The following SHISAL1 variants were observed in gnomAD, a reference collection of about 807,000 sequenced individuals.
SHISAL1 encodes protein shisa-like-1.
In SHISAL1, 9 loss-of-function variants were observed where a neutral mutation model predicts 22.6. That is an observed-to-expected ratio of 0.40 (90% CI 0.24 to 0.70). The LOEUF is 0.70. Ranked by LOEUF, SHISAL1 falls within the 30% of genes least tolerant of loss-of-function variation. The probability of loss-of-function intolerance (pLI) is 0.39; values close to 1 mark genes in which losing one functional copy is unlikely to be tolerated. For missense variants in SHISAL1, 246 were observed against 270.6 expected (o/e 0.91, Z 0.64); for synonymous variants, 119 against 115.4 (o/e 1.03, Z -0.20).
chr22:44,328,181 C>T, the SHISAL1 span, among the ~76,000 whole-genome samples: 3 of 152,112 alleles, frequency 2.0e-5, no homozygotes, highest in Admixed American at 6.5e-5. Context: ...AGTGAGACTG[C>T]GGGGCCCCTG....
chr22:44,263,079 C>CTTTTTTTT (rs922017518), intron 4 of SHISAL1, among the ~76,000 whole-genome samples: 1 of 88,250 alleles, frequency 1.1e-5, no homozygotes, highest in Non-Finnish European at 2.2e-5. Context: ...TTCTTTCTTT[C>CTTTTTTTT]TTTTTTTTTT....
At chr22:44,253,992 T>C (rs2055067805) in intron 4 of SHISAL1, among the ~76,000 whole-genome samples, 1 of 151,676 alleles carries the variant, frequency 6.6e-6, no homozygotes, top group African/African-American at 2.4e-5. Context: ...TACTAGAATT[T>C]GAAAATACTA....
chr22:44,305,429 G>A (rs1222943383), intron 1 of SHISAL1, among the ~76,000 whole-genome samples: 2 of 152,228 alleles, frequency 1.3e-5, no homozygotes, highest in African/African-American at 4.8e-5. Context: ...ATCTGCCTTC[G>A]CAGACCCAGG....
chr22:44,304,898 G>C (rs1269858643), intron 1 of SHISAL1, among the ~76,000 whole-genome samples: 2 of 152,178 alleles, frequency 1.3e-5, no homozygotes, highest in African/African-American at 4.8e-5. Flanking sequence ...CTGGGGCTCA[G>C]GTCCAAGAGC....
At chr22:44,297,371 G>T (rs2055394465) in intron 2 of SHISAL1, among the ~76,000 whole-genome samples, 1 of 152,248 alleles carries the variant, frequency 6.6e-6, no homozygotes, top group African/African-American at 2.4e-5. Context: ...CTCCAGTCTT[G>T]TATCACTAGC....
chr22:44,316,325 C>A (rs906360276), upstream of SHISAL1, among the ~76,000 whole-genome samples: 5 of 149,170 alleles, frequency 3.4e-5, no homozygotes, highest in African/African-American at 1.2e-4. Context: ...GGAATGGTAC[C>A]CAGGGTAGGC....
At chr22:44,280,843 T>C (rs2055271497) in intron 4 of SHISAL1, among the ~76,000 whole-genome samples, 1 of 152,104 alleles carries the variant, frequency 6.6e-6, no homozygotes, top group African/African-American at 2.4e-5. Context: ...AGGCAGGTTG[T>C]GCGGCACTGG....
intron 1 of SHISAL1, among the ~76,000 whole-genome samples, chr22:44,308,836 G>A (rs1004709320): frequency 2.2e-4 from 34 of 152,228 alleles, no homozygotes; most frequent in Admixed American, 1.7e-3. Flanking sequence ...CCACGCTCGG[G>A]CCTGAACCCC....
chr22:44,310,369 G>A lies in SHISAL1; in HGVS notation c.-33+2382C>T, dbSNP rs2055510003. On this transcript the variant is annotated intron_variant, in intron 1 of 4. Transcript: ENST00000381176. This position sits in a 1 kb window ranked among gnomAD's most constrained non-coding sequence, Gnocchi z 4.0. ...GATTGCCCAGAGCTGGAGGGTGGAA[G>A]GTTTGCAATCTGAACCCAGGTTTGC... 1.3e-5 allele frequency among the ~76,000 whole-genome samples: 2 copies of A among 152,222 alleles called. 1 individual carries two copies. Among genetic ancestry groups the A allele is most frequent in the Admixed American group, 1.3e-4 (2 of 15,286 alleles).
At chr22:44,323,450 ATCCATCCATT>A in the SHISAL1 span, among the ~76,000 whole-genome samples, 2 of 132,490 alleles carry the variant, frequency 1.5e-5, no homozygotes, top group Non-Finnish European at 3.2e-5. Flanking sequence ...TCAACCATCC[ATCCATCCATT>A]CATCCATCCA....
chr22:44,259,937 G>A (rs558430309), intron 4 of SHISAL1, among the ~76,000 whole-genome samples: 1 of 152,100 alleles, frequency 6.6e-6, no homozygotes, highest in East Asian at 1.9e-4. Context: ...ACTACAGGTC[G>A]ATTTGTTTAG....
At chr22:44,320,560 T>G in the SHISAL1 span, among the ~76,000 whole-genome samples, 1 of 152,244 alleles carries the variant, frequency 6.6e-6, no homozygotes. Flanking sequence ...CTCCACTGCT[T>G]CTAAATCGAT....
At chr22:44,326,692 G>A in the SHISAL1 span, among the ~76,000 whole-genome samples, 30 of 152,286 alleles carry the variant, frequency 2.0e-4, no homozygotes, top group African/African-American at 6.7e-4. Context: ...ACTGGAGTAT[G>A]TGCCCCAGAT....
intron 4 of SHISAL1, among the ~76,000 whole-genome samples, chr22:44,267,434 C>A (rs1306818592): frequency 1.3e-5 from 2 of 152,006 alleles, no homozygotes; most frequent in African/African-American, 2.4e-5. Flanking sequence ...AGGCCCTGGC[C>A]AATCTCACGG....
At position 44,246,008 on chromosome 22, in the gene SHISAL1, TTGTG is replaced by T. The variant is rs1243394658; in HGVS notation, c.*3673_*3676del. ...TGTGCGCGCATGTGCATGTATGTACTTGTGTGTTTTTTCAATTAAGGCCTGTTGC... is the reference window on the plus strand; with the variant it reads ...TGTGCGCGCATGTGCATGTATGTACTTGTTTTTTCAATTAAGGCCTGTTGC... On this transcript the variant is annotated 3_prime_UTR_variant, in exon 5 of 5. Transcript: ENST00000381176. 1.3e-5 allele frequency: 2 copies of T among 152,236 alleles called. No homozygotes were observed. The highest frequency in any genetic ancestry group is 2.4e-5 in the African/African-American group (1 of 41,450). 9.4% of individuals were successfully genotyped at this position (152,236 alleles called of 1,614,324 possible). A position where few individuals can be genotyped will look rare whatever the true frequency, so the allele number is the denominator to read the frequency against.
At chr22:44,318,540 C>T in the SHISAL1 span, among the ~76,000 whole-genome samples, 1 of 152,206 alleles carries the variant, frequency 6.6e-6, no homozygotes, top group Non-Finnish European at 1.5e-5. Context: ...CCAGCTGGCC[C>T]TGTGATCCTG....
rs546306355 is a variant in SHISAL1 at position 44,293,528 on chromosome 22, G to C, written c.281+3144C>G. ...GGTGACCTGGCCCCAGATGTCAGTG[G>C]TGCTGGGGTGGGATCTCCGCTCAGG... On this transcript the variant is annotated intron_variant, in intron 3 of 4. Coordinates refer to ENST00000381176, the MANE Select transcript of SHISAL1 (RefSeq NM_001099294.2). Among the ~76,000 whole-genome samples the C allele has an allele frequency of 1.4e-4, 22 of 152,270 alleles. No homozygotes were observed. In the East Asian group the frequency reaches 3.5e-3, roughly 24 times the overall value.
chr22:44,266,141 C>T (rs1017837343), intron 4 of SHISAL1, among the ~76,000 whole-genome samples: 4 of 151,906 alleles, frequency 2.6e-5, no homozygotes, highest in Admixed American at 6.6e-5. Flanking sequence ...CTCCAAGTCA[C>T]CATCTCCACC....
intron 4 of SHISAL1, among the ~76,000 whole-genome samples, chr22:44,260,438 G>A (rs925162738): frequency 2.6e-5 from 4 of 152,194 alleles, no homozygotes; most frequent in East Asian, 3.9e-4. Context: ...CCTTGGAGAC[G>A]CTGTCTGCAG....
Sources: allele counts gnomAD v4.1 joint callset (sites outside exome capture counted in the v4.1 genomes callset), GRCh38; gene constraint gnomAD v4.1.1; non-coding constraint Gnocchi (gnomAD v3.1); transcripts MANE v1.5; gene names NCBI Gene and HGNC (gene_info 2026-07-23, HGNC 2026-07-21).